Variants in PRLR observed in about 807,000 individuals in gnomAD.
The protein encoded by PRLR is prolactin receptor, also known as hPRL receptor.
A neutral mutation model predicts 40.2 loss-of-function variants in PRLR; 13 were observed. That is an observed-to-expected ratio of 0.32 (90% CI 0.21 to 0.51). PRLR has a LOEUF of 0.51. Among genes scored for constraint, PRLR ranks in the 20% least tolerant of loss-of-function variants. The probability of loss-of-function intolerance (pLI) is 0.97; values close to 1 mark genes in which losing one functional copy is unlikely to be tolerated. For synonymous variants in PRLR, 269 were observed against 278.7 expected (o/e 0.97, Z 0.35); for missense variants, 656 against 747.3 (o/e 0.88, Z 1.42).
downstream of PRLR, among the ~76,000 whole-genome samples, chr5:35,052,609 G>T (rs928171021): frequency 2.6e-5 from 4 of 152,112 alleles, 1 homozygote; most frequent in African/African-American, 9.7e-5. Flanking sequence ...TTGCCCCAAA[G>T]TCAGCTTTAC....
rs766278716 is a variant in PRLR at position 35,060,606 on chromosome 5, C to G, written c.*4483G>C. On this transcript the variant is annotated 3_prime_UTR_variant, in exon 10 of 10. Transcript: ENST00000618457. ...AAAAGACTCATCCCAGGACATAGTG[C>G]CTACTTAGTCGTGGTGATGTGATTT... 2 of 152,164 alleles carry G rather than the reference C, an allele frequency of 1.3e-5. No individual in the cohort carries two copies. The highest frequency in any genetic ancestry group is 1.3e-4 in the Admixed American group (2 of 15,290). 9.4% of individuals were successfully genotyped at this position (152,164 alleles called of 1,614,324 possible). A position where few individuals can be genotyped will look rare whatever the true frequency, so the allele number is the denominator to read the frequency against.
intron 1 of PRLR, among the ~76,000 whole-genome samples, chr5:35,217,466 G>C (rs1328580947): frequency 6.6e-6 from 1 of 152,092 alleles, no homozygotes; most frequent in Non-Finnish European, 1.5e-5. Context: ...ATATACACTT[G>C]AGTTTAGAAA....
At chr5:35,110,156 G>A (rs2111636796) in intron 2 of PRLR, among the ~76,000 whole-genome samples, 1 of 152,206 alleles carries the variant, frequency 6.6e-6, no homozygotes, top group Admixed American at 6.5e-5. Context: ...TCACAGATGG[G>A]ATTTGAACAA....
chr5:35,176,189 CTT>C (rs2111962182), intron 1 of PRLR, among the ~76,000 whole-genome samples: 1 of 152,236 alleles, frequency 6.6e-6, no homozygotes, highest in African/African-American at 2.4e-5. Flanking sequence ...TCATTCATCT[CTT>C]TGTTTATAAC....
intron 1 of PRLR, among the ~76,000 whole-genome samples, chr5:35,167,957 C>T (rs1251651451): frequency 6.6e-6 from 1 of 151,632 alleles, no homozygotes; most frequent in Non-Finnish European, 1.5e-5. Context: ...AGTAATTACA[C>T]TAAATGTAAA....
intron 2 of PRLR, among the ~76,000 whole-genome samples, chr5:35,096,799 T>G (rs535058604): frequency 2.6e-5 from 4 of 152,132 alleles, no homozygotes; most frequent in Non-Finnish European, 5.9e-5. Flanking sequence ...TTTTGTATTT[T>G]CAGTAGAGAC....
At chr5:35,136,669 C>T (rs975637571) in intron 1 of PRLR, among the ~76,000 whole-genome samples, 4 of 152,118 alleles carry the variant, frequency 2.6e-5, no homozygotes, top group Non-Finnish European at 1.5e-5. Flanking sequence ...TATTCGTTTC[C>T]TGTCTCTGCT....
intron 1 of PRLR, among the ~76,000 whole-genome samples, chr5:35,150,961 C>T (rs1187707287): frequency 6.6e-6 from 1 of 152,106 alleles, no homozygotes; most frequent in Non-Finnish European, 1.5e-5. Context: ...TATAAAACAT[C>T]TTTGTTGGAT....
intron 2 of PRLR, among the ~76,000 whole-genome samples, chr5:35,117,690 A>G (rs1038080360): frequency 6.6e-5 from 10 of 152,218 alleles, no homozygotes; most frequent in Admixed American, 2.0e-4. Context: ...AAGAAAATAA[A>G]AGCAAGCACA....
chr5:35,176,104 G>T (rs1359205584), intron 1 of PRLR, among the ~76,000 whole-genome samples: 1 of 152,104 alleles, frequency 6.6e-6, no homozygotes, highest in African/African-American at 2.4e-5. Flanking sequence ...CTGCCTGAGT[G>T]ATTTGATAAA....
chr5:35,115,890 T>A (rs967025729), intron 2 of PRLR, among the ~76,000 whole-genome samples: 31 of 152,054 alleles, frequency 2.0e-4, no homozygotes, highest in African/African-American at 6.8e-4. Flanking sequence ...AATTGCAATT[T>A]TACTCTTAAC....
chr5:35,180,805 AAT>A (rs1775277319), intron 1 of PRLR, among the ~76,000 whole-genome samples: 1 of 152,012 alleles, frequency 6.6e-6, no homozygotes, highest in African/African-American at 2.4e-5. Flanking sequence ...CTCATTGTTC[AAT>A]TCGCACCTAT....
chr5:35,133,252 C>T (rs146587898), intron 1 of PRLR, among the ~76,000 whole-genome samples: 17 of 152,302 alleles, frequency 1.1e-4, no homozygotes, highest in East Asian at 7.7e-4. Context: ...AGCTTGCAGA[C>T]GGCACATAAT....
chr5:35,191,359 C>T (rs1394071559), intron 1 of PRLR, among the ~76,000 whole-genome samples: 2 of 87,716 alleles, frequency 2.3e-5, no homozygotes, highest in East Asian at 2.7e-4. Flanking sequence ...CGTGAGCCAC[C>T]GCGCCCGGCC....
intron 1 of PRLR, among the ~76,000 whole-genome samples, chr5:35,141,198 C>T (rs1336668904): frequency 6.6e-6 from 1 of 150,986 alleles, no homozygotes; most frequent in Non-Finnish European, 1.5e-5. Flanking sequence ...GCTATTTCAT[C>T]ATTCATGTAT....
Position 35,065,803 on chromosome 5 carries a change from A to C in PRLR, c.1155T>G (p.Asn385Lys). The C allele has an allele frequency of 6.2e-7, 1 of 1,613,984 alleles. No homozygotes were observed. Among genetic ancestry groups the C allele is most frequent in the Non-Finnish European group, 8.5e-7 (1 of 1,179,996 alleles). The change falls in exon 10 of 10, where the codon AAT (asparagine) becomes AAG (lysine). Residue 385 changes from asparagine (N) to lysine (K), a missense_variant. Coordinates refer to ENST00000618457, the MANE Select transcript of PRLR (RefSeq NM_000949.7). ...YDPEVIEKPE[N>K]PETTHTWDPQ... Reference sequence around the variant, plus strand: ...GGTCCCAGGTGTGGGTTGTTTCAGGATTCTCTGGCTTCTCAATGACCTCAG... The same window carrying C: ...GGTCCCAGGTGTGGGTTGTTTCAGGCTTCTCTGGCTTCTCAATGACCTCAG...
At position 35,061,359 on chromosome 5, in the gene PRLR, A is replaced by G. The variant is rs1364134960; in HGVS notation, c.*3730T>C. ...GGAAAGAGAAAGCCAGAGTTTCCCC[A>G]GAGCTAAACTGCAACTTGGAATGCA... On this transcript the variant is annotated 3_prime_UTR_variant, in exon 10 of 10. Coordinates refer to ENST00000618457, the MANE Select transcript of PRLR (RefSeq NM_000949.7). The G allele has an allele frequency of 1.3e-5, 2 of 152,198 alleles. No homozygotes were observed. Among genetic ancestry groups the G allele is most frequent in the East Asian group, 3.9e-4 (2 of 5,194 alleles). 9.4% of individuals were successfully genotyped at this position (152,198 alleles called of 1,614,324 possible). A position where few individuals can be genotyped will look rare whatever the true frequency, so the allele number is the denominator to read the frequency against.
At chr5:35,204,159 C>G (rs992798246) in intron 1 of PRLR, among the ~76,000 whole-genome samples, 2 of 148,948 alleles carry the variant, frequency 1.3e-5, no homozygotes, top group African/African-American at 4.9e-5. Context: ...AAAAGAAGAT[C>G]AGAATGTTGC....
intron 5 of PRLR, chr5:35,082,139 G>T (rs556100222): frequency 1.3e-5 from 2 of 152,200 alleles, no homozygotes; most frequent in African/African-American, 4.8e-5. Flanking sequence ...TCCCTGAAGA[G>T]CAGGTGCTTA....
Sources: allele counts gnomAD v4.1 joint callset (sites outside exome capture counted in the v4.1 genomes callset), GRCh38; gene constraint gnomAD v4.1.1; transcripts MANE v1.5; gene names NCBI Gene and HGNC (gene_info 2026-07-23, HGNC 2026-07-21).